Variants in DCAF5 observed in about 807,000 individuals in gnomAD.
DCAF5 encodes the protein DDB1- and CUL4-associated factor 5.
DCAF5 carries 9 observed loss-of-function variants against 80.7 expected under a neutral mutation model. The observed-to-expected ratio is 0.11, with a 90% CI of 0.07 to 0.19. The LOEUF (loss-of-function observed/expected upper bound fraction) is 0.19. Ranked by LOEUF, DCAF5 falls within the 10% of genes least tolerant of loss-of-function variation. The pLI is 1.00. For synonymous variants in DCAF5, 433 were observed against 461.9 expected (o/e 0.94, Z 0.80); for missense variants, 842 against 1,205.7 (o/e 0.70, Z 4.47).
chr14:69,079,561 G>C (rs559046045), intron 6 of DCAF5, among the ~76,000 whole-genome samples: 1 of 152,298 alleles, frequency 6.6e-6, no homozygotes, highest in African/African-American at 2.4e-5. Flanking sequence ...GCATTTCACG[G>C]TTGTCTGCTG....
intron 7 of DCAF5, among the ~76,000 whole-genome samples, chr14:69,064,548 T>C (rs1226962051): frequency 6.6e-6 from 1 of 152,216 alleles, no homozygotes; most frequent in Admixed American, 6.5e-5. Flanking sequence ...ATCAGCTGCC[T>C]TTGGAAGATG....
intron 1 of DCAF5, among the ~76,000 whole-genome samples, chr14:69,140,005 C>G (rs979668946): frequency 6.6e-6 from 1 of 151,856 alleles, no homozygotes; most frequent in Admixed American, 6.6e-5. Flanking sequence ...CGCAGTGGCT[C>G]ACACTTATAA....
Position 69,091,821 on chromosome 14 carries a change from G to A in DCAF5, c.732C>T (p.Asn244=), listed in dbSNP as rs750491442. 5.6e-5 allele frequency: 91 copies of A among 1,614,010 alleles called. No homozygotes were observed. The highest frequency in any genetic ancestry group is 1.6e-4 in the Middle Eastern group (1 of 6,084). ...GCCTCAGGGCCAGGAGCTGGGTCCC[G>A]TTGCTGTTGAATCGTACACTCATGG... ...QSAMSVRFNS[N]GTQLLALRRR... is the part of the protein sequence containing the mutation. The change falls in exon 6 of 9, where the codon AAC becomes AAT. Residue 244 remains asparagine, a synonymous_variant. Transcript: ENST00000341516.
chr14:69,121,325 A>G (rs2040712280), intron 2 of DCAF5, among the ~76,000 whole-genome samples: 1 of 152,236 alleles, frequency 6.6e-6, no homozygotes, highest in Non-Finnish European at 1.5e-5. Flanking sequence ...AGGCCAAACT[A>G]ACGGATGAGT....
chr14:69,140,932 G>C (rs751140942), intron 1 of DCAF5, among the ~76,000 whole-genome samples: 12 of 151,852 alleles, frequency 7.9e-5, no homozygotes, highest in African/African-American at 2.7e-4. Context: ...TCAGGAGTTC[G>C]AGACCAGCCT....
intron 1 of DCAF5, among the ~76,000 whole-genome samples, chr14:69,142,238 TAC>T (rs2041398789): frequency 6.6e-6 from 1 of 152,190 alleles, no homozygotes; most frequent in South Asian, 2.1e-4. Context: ...GGGTCAAAGC[TAC>T]AGTGAGCCGT....
In DCAF5 at chr14:69,054,036, A is replaced by G. The variant is rs754961000; in HGVS notation, c.2650T>C (p.Cys884Arg). Residue 884 changes from cysteine (C) to arginine (R), a missense_variant, in exon 9 of 9, where the codon TGC becomes CGC. Physicochemically the swap from Cys to Arg is radical, Grantham distance 180. Around this residue, in one of 5 missense-constraint regions of DCAF5, gnomAD observed 607 missense variants for 656.6 expected, o/e 0.92. Transcript: ENST00000341516. The part of the protein sequence containing the change: ...LTGTLLHKDC[C>R]GSEMACETPN... ...GTCTCACAGGCCATTTCAGACCCGC[A>G]ACAATCTTTGTGTAGGAGTGTCCCT... is the stretch of plus-strand genomic sequence containing the variant. The G allele has an allele frequency of 4.3e-6, 7 of 1,613,072 alleles. No homozygotes were observed. The South Asian group carries it at 7.7e-5, about 18-fold the overall frequency.
At chr14:69,068,781 T>C (rs1050462577) in intron 7 of DCAF5, among the ~76,000 whole-genome samples, 1 of 152,046 alleles carries the variant, frequency 6.6e-6, no homozygotes, top group South Asian at 2.1e-4. Context: ...CCAAGCCTCT[T>C]AGCATTTCAA....
At chr14:69,149,267 C>G (rs2041634030) in intron 1 of DCAF5, among the ~76,000 whole-genome samples, 1 of 152,232 alleles carries the variant, frequency 6.6e-6, no homozygotes, top group African/African-American at 2.4e-5. Flanking sequence ...ATGATGTTAA[C>G]CACATATCTG....
At chr14:69,078,109 A>C (rs143433106) in intron 6 of DCAF5, among the ~76,000 whole-genome samples, 71 of 152,342 alleles carry the variant, frequency 4.7e-4, no homozygotes, top group Non-Finnish European at 7.8e-4. Context: ...AACATGCTCA[A>C]GACAAGGAAA....
At chr14:69,091,022 A>C in intron 6 of DCAF5, 1 of 714,454 alleles carries the variant, frequency 1.4e-6, no homozygotes, top group Admixed American at 1.9e-5. Flanking sequence ...TCTATGGTTA[A>C]GACAGAAAGG....
chr14:69,073,848 A>T (rs2038797878), intron 7 of DCAF5, among the ~76,000 whole-genome samples: 1 of 152,260 alleles, frequency 6.6e-6, no homozygotes, highest in Non-Finnish European at 1.5e-5. Context: ...TAAAAGATAC[A>T]ATTAAACCCA....
At chr14:69,093,726 G>T (rs2039606186) in intron 5 of DCAF5, among the ~76,000 whole-genome samples, 1 of 152,186 alleles carries the variant, frequency 6.6e-6, no homozygotes, top group Admixed American at 6.5e-5. Flanking sequence ...GGAATGCTCT[G>T]GTAGTGCAGC....
intron 2 of DCAF5, 68 bp from the exon 3 acceptor site, chr14:69,119,298 T>C (rs1286971844): frequency 1.3e-6 from 2 of 1,531,964 alleles, no homozygotes; most frequent in Non-Finnish European, 8.9e-7. Context: ...TACAATTTAG[T>C]ATTTTTAAGT....
At position 69,054,321 on chromosome 14, in the gene DCAF5, C is replaced by T. The variant is rs2037867953; in HGVS notation, c.2365G>A (p.Ala789Thr). The change falls in exon 9 of 9, where the codon GCT (alanine) becomes ACT (threonine). Residue 789 changes from alanine to threonine, a missense_variant. Transcript: ENST00000341516. ...ACAGGAGGAGAAGGCGGCTCCTCAG[C>T]CCGACTGCTCAGGGCCTTTCCATTG... is the stretch of plus-strand genomic sequence containing the variant. ...KLNGKALSSR[A>T]EEPPSPPVPK... The T allele has an allele frequency of 6.2e-7, 1 of 1,614,076 alleles. No individual in the cohort carries two copies. Among genetic ancestry groups the T allele is most frequent in the South Asian group, 1.1e-5 (1 of 91,092 alleles).
At chr14:69,063,299 C>T (rs930683552) in intron 7 of DCAF5, among the ~76,000 whole-genome samples, 1 of 152,182 alleles carries the variant, frequency 6.6e-6, no homozygotes, top group Non-Finnish European at 1.5e-5. Flanking sequence ...CATAGATAAA[C>T]ATGTTATCAT....
At chr14:69,084,482 T>G in intron 6 of DCAF5, 1 of 790,292 alleles carries the variant, frequency 1.3e-6, no homozygotes, top group Non-Finnish European at 2.2e-6. Context: ...CACCCAAACT[T>G]GAAAAGTTGA....
In DCAF5 at chr14:69,089,029, C is replaced by G. The variant is rs568983514; in HGVS notation, c.879+2645G>C. Among the ~76,000 whole-genome samples, 4 of 152,300 alleles carry G rather than the reference C, an allele frequency of 2.6e-5. No individual in the cohort carries two copies. In the East Asian group the frequency reaches 7.7e-4, roughly 29 times the overall value. On this transcript the variant is annotated intron_variant, in intron 6 of 8. Coordinates refer to ENST00000341516, the MANE Select transcript of DCAF5 (RefSeq NM_003861.3). ...CTATAAGTTCAGTAGATTAGTTCCACTATAAATCCATTATTTAATTCATCC... is the reference window on the plus strand; with the variant it reads ...CTATAAGTTCAGTAGATTAGTTCCAGTATAAATCCATTATTTAATTCATCC...
At chr14:69,123,278 A>G (rs2040779455) in intron 1 of DCAF5, among the ~76,000 whole-genome samples, 1 of 152,262 alleles carries the variant, frequency 6.6e-6, no homozygotes, top group South Asian at 2.1e-4. Flanking sequence ...AAGCTCCATG[A>G]CAGCAGAAAC....
Sources: allele counts gnomAD v4.1 joint callset (sites outside exome capture counted in the v4.1 genomes callset), GRCh38; gene constraint gnomAD v4.1.1; regional missense constraint gnomAD v4.1.1; transcripts MANE v1.5; gene names NCBI Gene and HGNC (gene_info 2026-07-23, HGNC 2026-07-21).